C3orf85: variants seen among roughly 807,000 people sequenced by gnomAD.
C3orf85 encodes chromosome 3 open reading frame 85, also known as uncharacterized protein C3orf85.
In C3orf85, 1 loss-of-function variant was observed where a neutral mutation model predicts 1.7. The ratio of observed to expected loss-of-function variants is 0.60; its 90% CI spans 0.21 to 2.86. The LOEUF (loss-of-function observed/expected upper bound fraction) is 2.86. C3orf85 is among the 30% of genes most tolerant of loss of function. The pLI, the probability that C3orf85 is intolerant of heterozygous loss-of-function variation, is 0.22. For missense variants in C3orf85, 29 were observed against 21.3 expected (o/e 1.36, Z -0.72); for synonymous variants, 17 against 8.0 (o/e 2.13, Z -1.90).
chr3:109,137,895 C>T (rs1441765070), intron 2 of C3orf85, among the ~76,000 whole-genome samples: 6 of 151,908 alleles, frequency 3.9e-5, no homozygotes, highest in Non-Finnish European at 5.9e-5. Context: ...TGTCTCAGAG[C>T]ACATTGTAAT....
chr3:109,145,722 A>G (rs2107835761), intron 2 of C3orf85, among the ~76,000 whole-genome samples: 1 of 152,308 alleles, frequency 6.6e-6, no homozygotes, highest in South Asian at 2.1e-4. Context: ...ATTATTAATT[A>G]TTTAGAGTAA....
chr3:109,147,089 G>A (rs1706808356), intron 2 of C3orf85, among the ~76,000 whole-genome samples: 1 of 152,058 alleles, frequency 6.6e-6, no homozygotes, highest in South Asian at 2.1e-4. Flanking sequence ...TTTAAAAAAT[G>A]TTTCTCCTTC....
At chr3:109,146,668 G>A (rs996570206) in intron 2 of C3orf85, among the ~76,000 whole-genome samples, 1 of 152,128 alleles carries the variant, frequency 6.6e-6, no homozygotes, top group African/African-American at 2.4e-5. Flanking sequence ...CTCACGACAT[G>A]GCAGCTGACT....
chr3:109,140,967 T>C (rs1375753832), intron 2 of C3orf85, among the ~76,000 whole-genome samples: 2 of 152,156 alleles, frequency 1.3e-5, no homozygotes, highest in Non-Finnish European at 2.9e-5. Flanking sequence ...TTTGTTTTTT[T>C]GTTGCTGTTG....
chr3:109,138,681 G>A (rs555655112), intron 2 of C3orf85, among the ~76,000 whole-genome samples: 2 of 152,146 alleles, frequency 1.3e-5, no homozygotes, highest in African/African-American at 4.8e-5. Flanking sequence ...CTATTTTCCT[G>A]ATGGGAATGC....
intron 2 of C3orf85, among the ~76,000 whole-genome samples, chr3:109,137,497 T>C (rs978078350): frequency 1.3e-5 from 2 of 151,768 alleles, no homozygotes; most frequent in African/African-American, 2.4e-5. Context: ...AATTTATAAA[T>C]ATTTCTGATG....
At chr3:109,144,119 A>C (rs1460883654) in intron 2 of C3orf85, among the ~76,000 whole-genome samples, 1 of 152,152 alleles carries the variant, frequency 6.6e-6, no homozygotes, top group Non-Finnish European at 1.5e-5. Flanking sequence ...TTTTTTAAAA[A>C]ACTCATTTAA....
chr3:109,139,598 T>C (rs1706721539), intron 2 of C3orf85, among the ~76,000 whole-genome samples: 1 of 152,242 alleles, frequency 6.6e-6, no homozygotes, highest in Non-Finnish European at 1.5e-5. Context: ...CTCATTTGTG[T>C]ATTTTTTTAA....
intron 2 of C3orf85, among the ~76,000 whole-genome samples, chr3:109,140,551 T>C (rs920302292): frequency 9.9e-5 from 15 of 152,214 alleles, no homozygotes; most frequent in Admixed American, 7.9e-4. Flanking sequence ...TTGAGCAGTC[T>C]GGGTGCTGTA....
intron 2 of C3orf85, among the ~76,000 whole-genome samples, chr3:109,144,576 T>C (rs1272279533): frequency 3.9e-5 from 6 of 152,276 alleles, no homozygotes; most frequent in Non-Finnish European, 8.8e-5. Flanking sequence ...GTAAAAGACT[T>C]ACAAAAGACA....
At chr3:109,137,635 G>GTATATATATATA (rs1436615146) in intron 2 of C3orf85, among the ~76,000 whole-genome samples, 93 of 48,774 alleles carry the variant, frequency 1.9e-3, no homozygotes, top group African/African-American at 3.5e-3. Flanking sequence ...GTGTGTGTGT[G>GTATATATATATA]TGTATATATA....
intron 2 of C3orf85, among the ~76,000 whole-genome samples, chr3:109,138,186 A>G (rs887208214): frequency 6.6e-6 from 1 of 152,242 alleles, no homozygotes; most frequent in Non-Finnish European, 1.5e-5. Context: ...TATAAAGACA[A>G]CTGGTTTGAT....
At chr3:109,138,306 C>A (rs1706703096) in intron 2 of C3orf85, among the ~76,000 whole-genome samples, 1 of 152,100 alleles carries the variant, frequency 6.6e-6, no homozygotes, top group African/African-American at 2.4e-5. Flanking sequence ...CTGGATTAGC[C>A]CTTCAGATCT....
chr3:109,138,208 TA>T (rs903867016), intron 2 of C3orf85, among the ~76,000 whole-genome samples: 24 of 151,412 alleles, frequency 1.6e-4, no homozygotes, highest in African/African-American at 4.8e-4. Context: ...GACTTGACTC[TA>T]AAAAAAAATA....
chr3:109,148,655 C>A, intron 3 of C3orf85: 1 of 401,614 alleles, frequency 2.5e-6, no homozygotes, highest in Non-Finnish European at 4.5e-6. Context: ...TTTTTGCATG[C>A]TCTTTCACAA....
chr3:109,148,471 C>T (rs770056652), intron 3 of C3orf85, 85 bp downstream of exon 3: 87 of 696,018 alleles, frequency 1.2e-4, no homozygotes, highest in Non-Finnish European at 2.1e-4. Flanking sequence ...TAACACATGA[C>T]TAGCCTAGCC....
At chr3:109,148,004 TA>T in intron 2 of C3orf85, among the ~76,000 whole-genome samples, 1 of 152,192 alleles carries the variant, frequency 6.6e-6, no homozygotes, top group Non-Finnish European at 1.5e-5. Flanking sequence ...GAAGCTCTGA[TA>T]TCCTGCTCCA....
chr3:109,150,017 G>A lies in C3orf85; in HGVS notation c.*123G>A. 7.8e-6 allele frequency: 3 copies of A among 382,812 alleles called. No individual in the cohort carries two copies. The highest frequency in any genetic ancestry group is 4.6e-6 in the Non-Finnish European group (1 of 216,334). The allele number at this position is 382,812 out of a possible 1,614,324, so 23.7% of individuals were successfully genotyped here. ...TGCTGTTTACTACATTATTTATTATGTCTGTCTCAAAGTTGTTGAAAACAG... is the reference window on the plus strand; with the variant it reads ...TGCTGTTTACTACATTATTTATTATATCTGTCTCAAAGTTGTTGAAAACAG... On this transcript the variant is annotated 3_prime_UTR_variant, in exon 4 of 4. Transcript: ENST00000622536.
At chr3:109,148,775 C>T (rs192756397) in intron 3 of C3orf85, 315 of 165,872 alleles carry the variant, frequency 1.9e-3, no homozygotes, top group African/African-American at 7.0e-3. Context: ...TAATTATTCT[C>T]GGGAACTAGC....
Sources: gnomAD v4.1 joint callset for allele counts (sites outside exome capture counted in the v4.1 genomes callset) on GRCh38, gnomAD v4.1.1 for gene constraint, MANE v1.5 for transcripts, NCBI Gene and HGNC (gene_info 2026-07-23, HGNC 2026-07-21) for gene names.